RAPGEF4: variants seen among roughly 807,000 people sequenced by gnomAD.
The protein encoded by RAPGEF4 is Rap guanine nucleotide exchange factor 4, also known as RAP guanine-nucleotide-exchange factor (GEF) 4.
RAPGEF4 carries 66 observed loss-of-function variants against 147.9 expected under a neutral mutation model. The observed-to-expected ratio is 0.45, with a 90% CI of 0.37 to 0.55. RAPGEF4 has a LOEUF of 0.55. RAPGEF4 is among the 20% of genes least tolerant of loss of function. The pLI is 0.00. For synonymous variants in RAPGEF4, 419 were observed against 442.7 expected (o/e 0.95, Z 0.67); for missense variants, 1,071 against 1,257.3 (o/e 0.85, Z 2.24).
intron 4 of RAPGEF4, among the ~76,000 whole-genome samples, chr2:172,868,833 G>A (rs1023136195): frequency 2.0e-5 from 3 of 152,244 alleles, no homozygotes; most frequent in Non-Finnish European, 4.4e-5. Context: ...TGTACAGGAA[G>A]CATGATGCTG....
intron 2 of RAPGEF4, among the ~76,000 whole-genome samples, chr2:172,797,191 G>T (rs887606040): frequency 7.9e-5 from 12 of 152,156 alleles, no homozygotes; most frequent in African/African-American, 2.4e-4. Context: ...AAAACACATT[G>T]CTTTTAATAT....
At chr2:172,872,900 A>T (rs183190189) in intron 4 of RAPGEF4, among the ~76,000 whole-genome samples, 6 of 152,054 alleles carry the variant, frequency 3.9e-5, no homozygotes, top group Non-Finnish European at 7.4e-5. Context: ...CTTCACAAGC[A>T]GTAGTGGTGT....
intron 4 of RAPGEF4, among the ~76,000 whole-genome samples, chr2:172,874,903 C>G (rs1695704032): frequency 6.6e-6 from 1 of 152,224 alleles, no homozygotes; most frequent in South Asian, 2.1e-4. Flanking sequence ...TCCTCTCCAG[C>G]ACCTGTTGTT....
At chr2:172,811,149 G>C (rs577141428) in intron 3 of RAPGEF4, among the ~76,000 whole-genome samples, 1 of 152,328 alleles carries the variant, frequency 6.6e-6, no homozygotes, top group East Asian at 1.9e-4. Context: ...GGCAATGGTT[G>C]CCCCTTTAAG....
intron 6 of RAPGEF4, among the ~76,000 whole-genome samples, chr2:172,929,603 A>G (rs1685713139): frequency 6.6e-6 from 1 of 152,130 alleles, no homozygotes; most frequent in Admixed American, 6.5e-5. Context: ...TTTCTTTTCT[A>G]TTTCCCTTCA....
chr2:172,809,287 G>A lies in RAPGEF4; in HGVS notation c.298-4992G>A, dbSNP rs150954007. 1.4e-3 allele frequency among the ~76,000 whole-genome samples: 208 copies of A among 152,266 alleles called. 4 individuals are homozygous for A. The highest frequency in any genetic ancestry group is 4.4e-3 in the African/African-American group (182 of 41,542). On this transcript the variant is annotated intron_variant, in intron 3 of 30. Transcript: ENST00000397081. ...GGAGGGAGTCAAAAGCAGGCCCAGT[G>A]GTGGAGATGGGCAGTGGGCAGGCTG...
At chr2:172,903,467 G>A (rs1233686870) in intron 4 of RAPGEF4, among the ~76,000 whole-genome samples, 3 of 151,744 alleles carry the variant, frequency 2.0e-5, no homozygotes, top group African/African-American at 7.3e-5. Flanking sequence ...GAACCTGGGA[G>A]GAGGAGGTTG....
At chr2:172,779,298 G>A (rs1381518207) in intron 1 of RAPGEF4, among the ~76,000 whole-genome samples, 1 of 152,188 alleles carries the variant, frequency 6.6e-6, no homozygotes, top group Non-Finnish European at 1.5e-5. Context: ...CAGGGTAAGG[G>A]TGCTGTTGAG....
chr2:172,757,275 A>G (rs1376451826), intron 1 of RAPGEF4, among the ~76,000 whole-genome samples: 1 of 152,224 alleles, frequency 6.6e-6, no homozygotes, highest in Non-Finnish European at 1.5e-5. Flanking sequence ...AGAATATTTA[A>G]TGTGACTGCT....
chr2:172,856,849 A>T (rs540278012), intron 4 of RAPGEF4, among the ~76,000 whole-genome samples: 30 of 152,182 alleles, frequency 2.0e-4, no homozygotes, highest in African/African-American at 7.2e-4. Flanking sequence ...AACCAGGAAG[A>T]CTACAGGCTT....
intron 18 of RAPGEF4, among the ~76,000 whole-genome samples, chr2:173,015,704 C>T (rs1481373145): frequency 6.6e-6 from 1 of 152,176 alleles, no homozygotes; most frequent in African/African-American, 2.4e-5. Context: ...TGCTGCAGAG[C>T]AGGCACACCT....
At chr2:172,898,368 A>G (rs1698735370) in intron 4 of RAPGEF4, among the ~76,000 whole-genome samples, 1 of 152,120 alleles carries the variant, frequency 6.6e-6, no homozygotes, top group South Asian at 2.1e-4. Context: ...CCTCCCACTC[A>G]GCATTACCAG....
chr2:172,953,145 C>T (rs1688380600), intron 6 of RAPGEF4, among the ~76,000 whole-genome samples: 2 of 151,732 alleles, frequency 1.3e-5, no homozygotes, highest in Non-Finnish European at 2.9e-5. Flanking sequence ...CTGTAGTCTT[C>T]AGTGCCCCTG....
intron 4 of RAPGEF4, among the ~76,000 whole-genome samples, chr2:172,904,539 A>G (rs1699418462): frequency 1.3e-5 from 2 of 152,222 alleles, no homozygotes; most frequent in South Asian, 2.1e-4. Flanking sequence ...TGCACTAACT[A>G]AAATTACACT....
At chr2:172,934,778 A>T (rs908118117) in intron 6 of RAPGEF4, among the ~76,000 whole-genome samples, 8 of 151,622 alleles carry the variant, frequency 5.3e-5, no homozygotes, top group African/African-American at 1.9e-4. Context: ...TTCACCCCCT[A>T]CCCCAACATT....
rs1436222305 is a variant in RAPGEF4, at chr2:173,016,282, T to G, written c.1810-67T>G. On this transcript the variant is annotated intron_variant, in intron 18 of 30. Transcript: ENST00000397081. The stretch of plus-strand genomic sequence containing the variant: ...AGATGACATAGGGACACATCTTTAT[T>G]GCTCTTGACAGAATCATGTGCCTTT... 4.5e-6 allele frequency: 5 copies of G among 1,114,202 alleles called. No homozygotes were observed. The East Asian group carries it at 7.1e-5, about 16-fold the overall frequency. 69.0% of individuals were successfully genotyped at this position (1,114,202 alleles called of 1,614,324 possible).
At chr2:172,925,874 GAGAA>G (rs1685271440) in intron 6 of RAPGEF4, among the ~76,000 whole-genome samples, 1 of 142,926 alleles carries the variant, frequency 7.0e-6, no homozygotes, top group Non-Finnish European at 1.5e-5. Context: ...GAGAGAGAAG[GAGAA>G]AGAAAAGAAA....
chr2:172,895,179 C>T (rs1026936980), intron 4 of RAPGEF4, among the ~76,000 whole-genome samples: 31 of 152,184 alleles, frequency 2.0e-4, no homozygotes, highest in Non-Finnish European at 4.4e-4. Context: ...TTAGAGACAA[C>T]AGCTGGATTC....
At position 172,819,461 on chromosome 2, in the gene RAPGEF4, C is replaced by CTT. The variant is rs1242605865; in HGVS notation, c.444+5057_444+5058dup. Among the ~76,000 whole-genome samples the CTT allele has an allele frequency of 2.2e-3, 195 of 86,996 alleles. 2 individuals are homozygous for CTT. The highest frequency in any genetic ancestry group is 5.8e-3 in the East Asian group (16 of 2,760). The allele number at this position is 86,996 out of a possible 152,430, so 57.1% of individuals were successfully genotyped here. A position where few individuals can be genotyped will look rare whatever the true frequency, so the allele number is the denominator to read the frequency against. On this transcript the variant is annotated intron_variant, in intron 4 of 30. Transcript: ENST00000397081. ...AAGTCTTAGAATACCATTTTTAGTT[C>CTT]TTTTTTTTTTTTTTTTTTTTTTGAG...
Sources: allele counts gnomAD v4.1 joint callset (sites outside exome capture counted in the v4.1 genomes callset), GRCh38; gene constraint gnomAD v4.1.1; transcripts MANE v1.5; gene names NCBI Gene and HGNC (gene_info 2026-07-23, HGNC 2026-07-21).